The following TLN2 variants were observed in gnomAD, a reference collection of about 807,000 sequenced individuals.
TLN2 encodes the protein talin-2.
Under a neutral mutation model 294.7 loss-of-function variants are expected in TLN2, and 118 were observed. That is an observed-to-expected ratio of 0.40 (90% CI 0.34 to 0.47). The LOEUF (loss-of-function observed/expected upper bound fraction) is 0.47. TLN2 is among the 20% of genes least tolerant of loss of function. TLN2 has a pLI of 0.84. For missense variants in TLN2, 3,083 were observed against 3,282.2 expected, an observed-to-expected ratio of 0.94 and a Z score of 1.48; for synonymous variants, 1,431 against 1,304.5, an observed-to-expected ratio of 1.10 and a Z score of -2.09.
At chr15:62,836,181 G>C in intron 57 of TLN2, 108 bp downstream of exon 57, 1 of 1,464,656 alleles carries the variant, frequency 6.8e-7, no homozygotes, top group Non-Finnish European at 9.2e-7. Flanking sequence ...CCTTCCATCA[G>C]CCAGCCCTGT....
At chr15:62,474,303 G>A (rs2140368395) in intron 1 of TLN2, among the ~76,000 whole-genome samples, 1 of 152,162 alleles carries the variant, frequency 6.6e-6, no homozygotes, top group Middle Eastern at 3.4e-3. Flanking sequence ...CATTCTCAGA[G>A]GAATTTGTCA....
At chr15:62,404,766 A>G (rs1186261516) in intron 1 of TLN2, among the ~76,000 whole-genome samples, 1 of 152,078 alleles carries the variant, frequency 6.6e-6, no homozygotes, top group Admixed American at 6.5e-5. Context: ...TAAGAGGCTT[A>G]ATTTTCTCCT....
At chr15:62,421,459 T>TA (rs1276610177) in intron 1 of TLN2, among the ~76,000 whole-genome samples, 1 of 152,136 alleles carries the variant, frequency 6.6e-6, no homozygotes, top group African/African-American at 2.4e-5. Context: ...ATAAGGAACT[T>TA]AAAATGAGTG....
At chr15:62,624,764 C>T (rs2049133449) in intron 3 of TLN2, among the ~76,000 whole-genome samples, 1 of 152,122 alleles carries the variant, frequency 6.6e-6, no homozygotes, top group African/African-American at 2.4e-5. Flanking sequence ...CGTACATAAG[C>T]ACATGATGGC....
chr15:62,563,168 C>T (rs181936436), intron 1 of TLN2, among the ~76,000 whole-genome samples: 1 of 152,158 alleles, frequency 6.6e-6, no homozygotes, highest in Admixed American at 6.5e-5. Flanking sequence ...AGGGAATCTC[C>T]ATCCTGTTTT....
intron 1 of TLN2, among the ~76,000 whole-genome samples, chr15:62,419,554 A>G (rs979908529): frequency 6.6e-6 from 1 of 150,816 alleles, no homozygotes. Context: ...TGGAGAGAGC[A>G]CCTTTTTCTA....
At chr15:62,681,827 G>A (rs7173024) in intron 11 of TLN2, among the ~76,000 whole-genome samples, 144,543 of 152,262 alleles carry the variant, frequency 0.95, 68,996 homozygotes, top group Non-Finnish European at 1. Context: ...ATCTCACTCT[G>A]TCACCCAGTC....
intron 2 of TLN2, among the ~76,000 whole-genome samples, chr15:62,608,126 T>C (rs2047611273): frequency 6.6e-6 from 1 of 151,918 alleles, no homozygotes; most frequent in South Asian, 2.1e-4. Flanking sequence ...TCTAATTGAC[T>C]CTAATTGACA....
intron 1 of TLN2, among the ~76,000 whole-genome samples, chr15:62,405,028 GA>G (rs2033304023): frequency 6.6e-6 from 1 of 152,162 alleles, no homozygotes; most frequent in African/African-American, 2.4e-5. Flanking sequence ...TTATTTTAAA[GA>G]AAGGTGGTTG....
At chr15:62,744,617 G>T (rs570379363) in intron 32 of TLN2, among the ~76,000 whole-genome samples, 6 of 152,042 alleles carry the variant, frequency 3.9e-5, no homozygotes, top group African/African-American at 1.2e-4. Flanking sequence ...CGCGATCTCG[G>T]CTCACTGCAG....
intron 1 of TLN2, among the ~76,000 whole-genome samples, chr15:62,516,706 G>C (rs1278182647): frequency 6.6e-6 from 1 of 152,172 alleles, no homozygotes; most frequent in East Asian, 1.9e-4. Context: ...AGCTTAATTG[G>C]ACAGAAGCTC....
At chr15:62,588,770 G>C (rs2045861793) in intron 1 of TLN2, among the ~76,000 whole-genome samples, 1 of 145,254 alleles carries the variant, frequency 6.9e-6, no homozygotes, top group African/African-American at 2.5e-5. Flanking sequence ...AAAGGACTGA[G>C]ACATGTAGCT....
At chr15:62,667,741 G>A (rs1357130497) in intron 9 of TLN2, among the ~76,000 whole-genome samples, 1 of 152,190 alleles carries the variant, frequency 6.6e-6, no homozygotes, top group African/African-American at 2.4e-5. Flanking sequence ...CTGTGTGCTT[G>A]TAACTTACGG....
In TLN2 at chr15:62,653,305, G is replaced by T; in HGVS notation, c.508G>T (p.Asp170Tyr). Residue 170 changes from aspartate (D) to tyrosine (Y), a missense_variant, in exon 7 of 59, where the codon GAT becomes TAT. Coordinates refer to ENST00000636159, the MANE Select transcript of TLN2 (RefSeq NM_015059.3). ...MEKLKAKLHT[D>Y]DDLNWLDHSR... ...GAAGTTGAAGGCCAAGCTGCACACAGATGATGACCGTAAGTGTTTGCAGAG... is the reference window on the plus strand; with the variant it reads ...GAAGTTGAAGGCCAAGCTGCACACATATGATGACCGTAAGTGTTTGCAGAG... The T allele has an allele frequency of 6.2e-7, 1 of 1,612,376 alleles. No homozygotes were observed. Among genetic ancestry groups the T allele is most frequent in the Non-Finnish European group, 8.5e-7 (1 of 1,179,482 alleles).
chr15:62,750,383 T>G lies in TLN2; in HGVS notation c.4120-19T>G. On this transcript the variant is annotated intron_variant, in intron 33 of 58. Coordinates refer to ENST00000636159, the MANE Select transcript of TLN2 (RefSeq NM_015059.3). ...CTATGACATTTGCTTGCTTTTTATG[T>G]TGTGTTCTTCTTCTGTAGACTGTGA... 1 of 1,607,470 alleles carries G rather than the reference T, an allele frequency of 6.2e-7. No homozygotes were observed. The highest frequency in any genetic ancestry group is 1.1e-5 in the South Asian group (1 of 90,910).
At chr15:62,640,944 G>C in intron 3 of TLN2, among the ~76,000 whole-genome samples, 1 of 152,014 alleles carries the variant, frequency 6.6e-6, no homozygotes, top group Non-Finnish European at 1.5e-5. Context: ...TGGGATTACA[G>C]GCGCCCGCCA....
At chr15:62,619,814 C>CT (rs1190831556) in intron 3 of TLN2, among the ~76,000 whole-genome samples, 1 of 152,196 alleles carries the variant, frequency 6.6e-6, no homozygotes, top group Non-Finnish European at 1.5e-5. Flanking sequence ...CTTCTGGCAT[C>CT]TGTAGCTACG....
intron 24 of TLN2, among the ~76,000 whole-genome samples, chr15:62,718,904 G>A (rs1367458955): frequency 6.6e-6 from 1 of 152,196 alleles, no homozygotes; most frequent in Non-Finnish European, 1.5e-5. Flanking sequence ...AGGGGAGAGT[G>A]GAGCAAATGA....
chr15:62,789,637 C>T (rs971114122), intron 45 of TLN2, among the ~76,000 whole-genome samples: 1 of 152,170 alleles, frequency 6.6e-6, no homozygotes, highest in African/African-American at 2.4e-5. Context: ...TCCTCCCTCC[C>T]TCCCACTCTC....
Sources: gnomAD v4.1 joint callset for allele counts (sites outside exome capture counted in the v4.1 genomes callset) on GRCh38, gnomAD v4.1.1 for gene constraint, MANE v1.5 for transcripts, NCBI Gene and HGNC (gene_info 2026-07-23, HGNC 2026-07-21) for gene names.